SLC25A26: variants seen among roughly 807,000 people sequenced by gnomAD.
The protein encoded by SLC25A26 is solute carrier family 25 member 26.
Under a neutral mutation model 37.8 loss-of-function variants are expected in SLC25A26, and 36 were observed. The observed-to-expected ratio is 0.95, with a 90% CI of 0.73 to 1.26. SLC25A26 has a LOEUF of 1.26. SLC25A26 is among the 50% of genes most tolerant of loss of function. SLC25A26 has a pLI of 0.00. For synonymous variants in SLC25A26, 129 were observed against 122.5 expected, an observed-to-expected ratio of 1.05 and a Z score of -0.35; for missense variants, 390 against 331.1, an observed-to-expected ratio of 1.18 and a Z score of -1.38.
chr3:66,316,956 T>A (rs1209276553), intron 5 of SLC25A26, among the ~76,000 whole-genome samples: 1 of 152,218 alleles, frequency 6.6e-6, no homozygotes, highest in Admixed American at 6.5e-5. Flanking sequence ...CTCCATCAGG[T>A]CATTTATGTT....
At chr3:66,232,556 A>G (rs1375988160) in intron 1 of SLC25A26, among the ~76,000 whole-genome samples, 1 of 152,248 alleles carries the variant, frequency 6.6e-6, no homozygotes, top group Non-Finnish European at 1.5e-5. Context: ...TATGTAATTA[A>G]AATTGTGTTC....
chr3:66,218,853 T>C (rs979115129), upstream of SLC25A26, among the ~76,000 whole-genome samples: 18,893 of 152,200 alleles, frequency 0.12, 1,336 homozygotes, highest in East Asian at 0.28. Flanking sequence ...CATCTTGGAA[T>C]TGGATCCTGC....
intron 5 of SLC25A26, among the ~76,000 whole-genome samples, chr3:66,306,099 G>A (rs144597576): frequency 0.013 from 1,985 of 151,884 alleles, 48 homozygotes; most frequent in African/African-American, 0.044. Context: ...GTTCTCCTGC[G>A]TCAGCCTCCC....
At chr3:66,312,542 G>A (rs1084538) in intron 5 of SLC25A26, among the ~76,000 whole-genome samples, 82,768 of 147,764 alleles carry the variant, frequency 0.56, 25,251 homozygotes, top group East Asian at 0.79. Flanking sequence ...AGAAAAAAAA[G>A]AAACAACAGA....
intron 1 of SLC25A26, among the ~76,000 whole-genome samples, chr3:66,168,158 A>G (rs183328272): frequency 2.4e-5 from 1 of 41,086 alleles, no homozygotes; most frequent in Non-Finnish European, 5.1e-5. Flanking sequence ...AGTCTCAAAA[A>G]AAATATATAT....
At position 66,225,084 on chromosome 3, in the gene SLC25A26, A is replaced by G. The variant is rs1200548560; in HGVS notation, c.33+3957A>G. On this transcript the variant is annotated intron_variant, in intron 1 of 9. Transcript: ENST00000354883. ...CAGGGTTCAAGCTGTCAGTGGATCT[A>G]CCATTCTGGGGTCTGGAGGACAGTG... is the stretch of plus-strand genomic sequence containing the variant. Among the ~76,000 whole-genome samples, 4 of 152,076 alleles carry G rather than the reference A, an allele frequency of 2.6e-5. No homozygotes were observed. The East Asian group carries it at 7.8e-4, about 30-fold the overall frequency.
chr3:66,172,410 G>GAAAAAAAAAAAAAAAAAAA (rs1199322248), intron 1 of SLC25A26, among the ~76,000 whole-genome samples: 39 of 75,196 alleles, frequency 5.2e-4, no homozygotes, highest in African/African-American at 1.8e-3. Flanking sequence ...TACCTGTAAA[G>GAAAAAAAAAAAAAAAAAAA]AAAAAAAAAA....
intron 5 of SLC25A26, among the ~76,000 whole-genome samples, chr3:66,295,411 T>TG (rs1445505403): frequency 6.7e-6 from 1 of 148,952 alleles, no homozygotes; most frequent in Non-Finnish European, 1.5e-5. Flanking sequence ...TTTTGTTTTT[T>TG]TTTTTTTTTT....
chr3:66,316,900 T>G (rs1358819045), intron 5 of SLC25A26, among the ~76,000 whole-genome samples: 2 of 152,242 alleles, frequency 1.3e-5, no homozygotes, highest in Admixed American at 1.3e-4. Context: ...ATTCAGCTAT[T>G]GATACTTGTG....
intron 6 of SLC25A26, among the ~76,000 whole-genome samples, chr3:66,349,537 G>A (rs891988381): frequency 3.3e-5 from 5 of 151,796 alleles, no homozygotes; most frequent in Non-Finnish European, 7.4e-5. Context: ...GCTTGTACCA[G>A]TAGTTTGTTT....
intron 1 of SLC25A26, among the ~76,000 whole-genome samples, chr3:66,172,427 A>G (rs1378644351): frequency 6.6e-6 from 1 of 150,924 alleles, no homozygotes; most frequent in African/African-American, 2.4e-5. Flanking sequence ...AAAAAAAAAA[A>G]AAAGGAAAAG....
rs149216299 is a variant in SLC25A26, at chr3:66,142,930, T to C, written c.-354+8946T>C. ...AGGCAGCACCACTATGCCTGGCCAA[T>C]CTTTCTTTTTATTTTTTGTAGAGAT... On this transcript the variant is annotated intron_variant, in intron 1 of 10. Coordinates refer to the SLC25A26 transcript ENST00000676754. Among the ~76,000 whole-genome samples the C allele has an allele frequency of 4.6e-4, 70 of 152,152 alleles. No individual in the cohort carries two copies. The East Asian group carries it at 0.013, about 28-fold the overall frequency.
rs36182558 is a variant in SLC25A26 at position 66,240,526 on chromosome 3, C to T, written c.191-2677C>T. 2.7e-3 allele frequency among the ~76,000 whole-genome samples: 415 copies of T among 152,236 alleles called. 2 individuals are homozygous for T. Among genetic ancestry groups the T allele is most frequent in the Non-Finnish European group, 4.6e-3 (313 of 68,020 alleles). ...TGGTCTTGAACTCCTGAGCTTAAGC[C>T]TCAGCCTCCCAAAGTGCTGGGATTA... On this transcript the variant is annotated intron_variant, in intron 2 of 9. Coordinates refer to ENST00000354883, the MANE Select transcript of SLC25A26 (RefSeq NM_001379210.1).
At chr3:66,285,236 A>G (rs1011544564) in intron 5 of SLC25A26, among the ~76,000 whole-genome samples, 2 of 152,292 alleles carry the variant, frequency 1.3e-5, no homozygotes, top group Non-Finnish European at 2.9e-5. Context: ...ACTTTCAAAG[A>G]AAGATTGCTA....
intron 6 of SLC25A26, among the ~76,000 whole-genome samples, chr3:66,359,956 A>G (rs935712972): frequency 2.0e-5 from 3 of 152,232 alleles, no homozygotes; most frequent in African/African-American, 7.2e-5. Context: ...ATACACTTTC[A>G]GAGAATCATT....
At chr3:66,278,756 CT>C (rs934857138) in intron 5 of SLC25A26, among the ~76,000 whole-genome samples, 2 of 152,166 alleles carry the variant, frequency 1.3e-5, no homozygotes, top group African/African-American at 4.8e-5. Context: ...CTGTTGCTTT[CT>C]TTTTGCCACC....
intron 1 of SLC25A26, among the ~76,000 whole-genome samples, chr3:66,210,887 A>T (rs1037542754): frequency 1.3e-5 from 2 of 152,194 alleles, no homozygotes; most frequent in African/African-American, 4.8e-5. Context: ...CTGGCGAGCT[A>T]TGAAGGTGAG....
intron 3 of SLC25A26, among the ~76,000 whole-genome samples, chr3:66,260,963 T>C (rs1045011459): frequency 1.3e-5 from 2 of 152,218 alleles, no homozygotes; most frequent in African/African-American, 4.8e-5. Flanking sequence ...TTATGTGATA[T>C]CCAAATTGAG....
chr3:66,163,742 C>A (rs1446829357), intron 1 of SLC25A26, among the ~76,000 whole-genome samples: 1 of 152,162 alleles, frequency 6.6e-6, no homozygotes, highest in Admixed American at 6.5e-5. Context: ...GTTCTCTCTG[C>A]CTTGACCAAA....
Sources: allele counts gnomAD v4.1 joint callset (sites outside exome capture counted in the v4.1 genomes callset), GRCh38; gene constraint gnomAD v4.1.1; transcripts MANE v1.5; gene names NCBI Gene and HGNC (gene_info 2026-07-23, HGNC 2026-07-21).